The following GRM7 variants were observed in gnomAD, a reference collection of about 807,000 sequenced individuals.
GRM7 encodes glutamate metabotropic receptor 7.
In GRM7, 35 loss-of-function variants were observed where a neutral mutation model predicts 84.5. The ratio of observed to expected loss-of-function variants is 0.41; its 90% CI spans 0.32 to 0.55. The LOEUF (loss-of-function observed/expected upper bound fraction) is 0.55, where lower values mean the gene tolerates loss of function less well. GRM7 is among the 20% of genes least tolerant of loss of function. GRM7 has a pLI of 0.19. For missense variants in GRM7, 1,003 were observed against 1,194.6 expected, an observed-to-expected ratio of 0.84 and a Z score of 2.36; for synonymous variants, 487 against 455.1, an observed-to-expected ratio of 1.07 and a Z score of -0.89.
At chr3:7,157,427 G>T (rs1694488321) in intron 2 of GRM7, among the ~76,000 whole-genome samples, 1 of 152,036 alleles carries the variant, frequency 6.6e-6, no homozygotes, top group African/African-American at 2.4e-5. Flanking sequence ...AATTAATAGT[G>T]ATATAAATTT....
intron 8 of GRM7, among the ~76,000 whole-genome samples, chr3:7,652,570 G>A (rs936720257): frequency 1.3e-5 from 2 of 152,248 alleles, no homozygotes; most frequent in East Asian, 1.9e-4. Flanking sequence ...CCCTTCACAA[G>A]GCTGTTGTTA....
chr3:7,118,699 T>C (rs1036599166), intron 1 of GRM7, among the ~76,000 whole-genome samples: 3 of 152,006 alleles, frequency 2.0e-5, no homozygotes, highest in Non-Finnish European at 4.4e-5. Context: ...CCTTTTCACA[T>C]GGTTTTGATG....
intron 9 of GRM7, among the ~76,000 whole-genome samples, chr3:7,688,654 G>A (rs370737360): frequency 6.6e-6 from 1 of 152,136 alleles, no homozygotes. Flanking sequence ...GTCTCTTAAG[G>A]TTATGCGTTC....
At chr3:7,223,686 T>C (rs1397707532) in intron 2 of GRM7, among the ~76,000 whole-genome samples, 2 of 152,222 alleles carry the variant, frequency 1.3e-5, no homozygotes, top group Non-Finnish European at 2.9e-5. Flanking sequence ...AATAAAAACC[T>C]CCTATGCTTA....
intron 1 of GRM7, among the ~76,000 whole-genome samples, chr3:6,921,804 C>G (rs1002645309): frequency 6.6e-6 from 1 of 152,092 alleles, no homozygotes; most frequent in African/African-American, 2.4e-5. Context: ...TTTTGGAATT[C>G]AGAATGGCTT....
chr3:7,013,147 T>C (rs1005961866), intron 1 of GRM7, among the ~76,000 whole-genome samples: 1 of 145,916 alleles, frequency 6.9e-6, no homozygotes, highest in African/African-American at 2.6e-5. Flanking sequence ...AAAAAAAAAG[T>C]TCAGAAACAG....
chr3:7,229,902 C>T (rs9856950), intron 2 of GRM7, among the ~76,000 whole-genome samples: 115,754 of 128,410 alleles, frequency 0.9, 52,376 homozygotes, highest in East Asian at 1. Context: ...TGCAGCGGGG[C>T]GATCTCAGCT....
intron 4 of GRM7, among the ~76,000 whole-genome samples, chr3:7,373,661 T>C (rs923297822): frequency 6.6e-6 from 1 of 152,136 alleles, no homozygotes; most frequent in African/African-American, 2.4e-5. Context: ...AGAAAGAAAA[T>C]AAAATGACAG....
chr3:7,475,505 G>A (rs1229891985), intron 7 of GRM7, among the ~76,000 whole-genome samples: 1 of 152,032 alleles, frequency 6.6e-6, no homozygotes, highest in South Asian at 2.1e-4. Flanking sequence ...GGCTTTAAGT[G>A]CCGTTTACAG....
intron 1 of GRM7, among the ~76,000 whole-genome samples, chr3:6,888,271 A>G (rs1195828737): frequency 6.6e-6 from 1 of 152,026 alleles, no homozygotes; most frequent in African/African-American, 2.4e-5. Flanking sequence ...TTTTGTTGCC[A>G]TTGCTTTTGG....
At chr3:7,206,267 C>A (rs1696236518) in intron 2 of GRM7, among the ~76,000 whole-genome samples, 1 of 152,170 alleles carries the variant, frequency 6.6e-6, no homozygotes, top group Non-Finnish European at 1.5e-5. Flanking sequence ...AACTTGTTAG[C>A]AGTTCCTATT....
At chr3:7,534,167 C>T (rs1024509962) in intron 7 of GRM7, among the ~76,000 whole-genome samples, 1 of 152,082 alleles carries the variant, frequency 6.6e-6, no homozygotes, top group Admixed American at 6.6e-5. Context: ...GCACACACCA[C>T]CACGCCTGGC....
chr3:6,927,465 GAAAGAAAGAAAGAAAGAAAGAA>G (rs60783795), intron 1 of GRM7, among the ~76,000 whole-genome samples: 12,974 of 112,508 alleles, frequency 0.12, 657 homozygotes, highest in Middle Eastern at 0.15. Flanking sequence ...AAGAGAGAGA[GAAAGAAAGAAAGAAAGAAAGAA>G]AGAAAGAAAG....
At chr3:6,956,478 T>G (rs961045211) in intron 1 of GRM7, 10 of 443,582 alleles carry the variant, frequency 2.3e-5, no homozygotes, top group African/African-American at 2.0e-4. Flanking sequence ...TTTTCATTCA[T>G]TTTTTTCTTT....
intron 1 of GRM7, among the ~76,000 whole-genome samples, chr3:7,022,163 C>T (rs929993628): frequency 9.9e-5 from 15 of 151,588 alleles, no homozygotes; most frequent in African/African-American, 3.6e-4. Context: ...CCAGTCTCTA[C>T]AAAAAATACA....
intron 2 of GRM7, among the ~76,000 whole-genome samples, chr3:7,165,141 C>G (rs1694757862): frequency 6.6e-6 from 1 of 152,158 alleles, no homozygotes; most frequent in South Asian, 2.1e-4. Flanking sequence ...GAGCATTTTC[C>G]AAGTTTGTCT....
intron 4 of GRM7, among the ~76,000 whole-genome samples, chr3:7,334,764 G>A (rs1460863231): frequency 6.6e-6 from 1 of 151,992 alleles, no homozygotes; most frequent in Non-Finnish European, 1.5e-5. Flanking sequence ...GCGAGCAGAA[G>A]TAGCTATTCT....
intron 1 of GRM7, among the ~76,000 whole-genome samples, chr3:7,052,370 AT>A (rs1406990162): frequency 6.6e-6 from 1 of 151,678 alleles, no homozygotes; most frequent in African/African-American, 2.4e-5. Flanking sequence ...TTAGGCATTG[AT>A]TTTTTTCTTC....
intron 8 of GRM7, among the ~76,000 whole-genome samples, chr3:7,669,291 G>C (rs1699828798): frequency 6.6e-6 from 1 of 152,198 alleles, no homozygotes; most frequent in South Asian, 2.1e-4. Context: ...GCTTCCCCAA[G>C]GAAGTAAGGC....
Sources: gnomAD v4.1 joint callset for allele counts (sites outside exome capture counted in the v4.1 genomes callset) on GRCh38, gnomAD v4.1.1 for gene constraint, MANE v1.5 for transcripts, NCBI Gene and HGNC (gene_info 2026-07-23, HGNC 2026-07-21) for gene names.